MIPOL1: variants seen among roughly 807,000 people sequenced by gnomAD.
MIPOL1 encodes the protein mirror-image polydactyly 1.
Under a neutral mutation model 60.9 loss-of-function variants are expected in MIPOL1, and 57 were observed. The ratio of observed to expected loss-of-function variants is 0.94; its 90% CI spans 0.76 to 1.17. The LOEUF is 1.17. Ranked by LOEUF, MIPOL1 falls within the 50% of genes most tolerant of loss-of-function variation. MIPOL1 has a pLI of 0.00. For synonymous variants in MIPOL1, 179 were observed against 168.8 expected, an observed-to-expected ratio of 1.06 and a Z score of -0.47; for missense variants, 551 against 511.6, an observed-to-expected ratio of 1.08 and a Z score of -0.74.
At chr14:37,256,595 T>C (rs530348352) in intron 3 of MIPOL1, among the ~76,000 whole-genome samples, 10 of 151,988 alleles carry the variant, frequency 6.6e-5, no homozygotes, top group Non-Finnish European at 1.5e-4. Context: ...AGCAAATCTG[T>C]TTCCTTTTGG....
At chr14:37,236,610 G>A (rs1030385501) in intron 1 of MIPOL1, among the ~76,000 whole-genome samples, 2 of 151,920 alleles carry the variant, frequency 1.3e-5, no homozygotes, top group African/African-American at 4.8e-5. Context: ...CTAATTTTTT[G>A]TATTTTTAGT....
intron 6 of MIPOL1, chr14:37,276,425 G>C (rs763943161): frequency 6.0e-5 from 9 of 150,908 alleles, no homozygotes; most frequent in Non-Finnish European, 1.0e-4. Context: ...AAAATGTAAA[G>C]GGTAAAAATA....
At chr14:37,263,627 T>TCA in intron 3 of MIPOL1, among the ~76,000 whole-genome samples, 1 of 152,290 alleles carries the variant, frequency 6.6e-6, no homozygotes, top group African/African-American at 2.4e-5. Context: ...GTTGTTTAAC[T>TCA]CTGAGAAAAG....
intron 9 of MIPOL1, among the ~76,000 whole-genome samples, chr14:37,342,461 G>A (rs150402173): frequency 6.6e-6 from 1 of 151,120 alleles, no homozygotes; most frequent in Non-Finnish European, 1.5e-5. Flanking sequence ...GCAGTGGTGC[G>A]ATCTCGGCTC....
intron 7 of MIPOL1, among the ~76,000 whole-genome samples, chr14:37,300,213 T>A (rs1236996955): frequency 1.3e-5 from 2 of 149,988 alleles, no homozygotes; most frequent in Non-Finnish European, 3.0e-5. Context: ...CTAAGTACAG[T>A]CCATACTAAA....
intron 9 of MIPOL1, among the ~76,000 whole-genome samples, chr14:37,341,383 G>A (rs992596888): frequency 8.5e-5 from 13 of 152,156 alleles, no homozygotes; most frequent in African/African-American, 2.9e-4. Flanking sequence ...TAGCAAGTAT[G>A]CTAGCCTTAG....
At chr14:37,507,120 G>A (rs1426510588) in intron 12 of MIPOL1, 2 of 152,082 alleles carry the variant, frequency 1.3e-5, no homozygotes, top group African/African-American at 4.8e-5. Context: ...AGCTGGAGAG[G>A]ATGTGGAGAA....
chr14:37,292,293 G>T (rs34201798), intron 7 of MIPOL1, among the ~76,000 whole-genome samples: 18,656 of 151,682 alleles, frequency 0.12, 1,233 homozygotes, highest in South Asian at 0.24. Flanking sequence ...CACGTTGGTT[G>T]ATGTTTTCTT....
chr14:37,394,084 A>ATATATATATATC (rs1491106712), intron 10 of MIPOL1, among the ~76,000 whole-genome samples: 1 of 134,670 alleles, frequency 7.4e-6, no homozygotes, highest in Non-Finnish European at 1.6e-5. Context: ...ATATATATAT[A>ATATATATATATC]TCTCCATGTT....
At chr14:37,347,376 TGAAGA>T (rs1704031609) in intron 9 of MIPOL1, among the ~76,000 whole-genome samples, 2 of 152,040 alleles carry the variant, frequency 1.3e-5, no homozygotes, top group Admixed American at 6.6e-5. Flanking sequence ...TGTGAATAAA[TGAAGA>T]GTAGATACGG....
At chr14:37,276,633 G>A (rs1451228856) in intron 6 of MIPOL1, 1 of 151,002 alleles carries the variant, frequency 6.6e-6, no homozygotes, top group Non-Finnish European at 1.5e-5. Context: ...AACAGAAAAT[G>A]GCATAACTTT....
chr14:37,271,800 T>C (rs1032747272), intron 6 of MIPOL1, among the ~76,000 whole-genome samples: 20 of 151,814 alleles, frequency 1.3e-4, no homozygotes, highest in African/African-American at 3.4e-4. Context: ...TTTGATGCAT[T>C]TGCATAATGT....
intron 7 of MIPOL1, among the ~76,000 whole-genome samples, chr14:37,302,912 T>G (rs954715466): frequency 6.6e-6 from 1 of 151,852 alleles, no homozygotes; most frequent in African/African-American, 2.4e-5. Flanking sequence ...GATAACCTTT[T>G]TACAAAATTT....
chr14:37,315,349 T>C (rs1479529047), intron 9 of MIPOL1, among the ~76,000 whole-genome samples: 1 of 152,182 alleles, frequency 6.6e-6, no homozygotes, highest in Non-Finnish European at 1.5e-5. Context: ...TTATAAGTGA[T>C]AAGGCAGAAG....
intron 12 of MIPOL1, chr14:37,523,367 C>T (rs144377318): frequency 9.2e-5 from 31 of 338,434 alleles, no homozygotes; most frequent in East Asian, 6.4e-4. Context: ...AATTAGTTAT[C>T]GTAAAGTGAA....
At chr14:37,328,502 G>T (rs1480978657) in intron 9 of MIPOL1, among the ~76,000 whole-genome samples, 1 of 151,706 alleles carries the variant, frequency 6.6e-6, no homozygotes, top group African/African-American at 2.4e-5. Context: ...TAATAAAAAT[G>T]AATTGCCAAA....
chr14:37,434,415 A>G (rs1024038181), intron 11 of MIPOL1: 2 of 151,764 alleles, frequency 1.3e-5, no homozygotes, highest in African/African-American at 2.4e-5. Flanking sequence ...AGTTCCTTGT[A>G]GGTTCTGGAT....
At chr14:37,481,263 C>A (rs1369645887) in intron 11 of MIPOL1, among the ~76,000 whole-genome samples, 8 of 151,980 alleles carry the variant, frequency 5.3e-5, no homozygotes, top group African/African-American at 1.9e-4. Flanking sequence ...GAGAACAATC[C>A]CATTTGCAAT....
At chr14:37,295,482 A>G (rs1197772235) in intron 7 of MIPOL1, among the ~76,000 whole-genome samples, 2 of 152,218 alleles carry the variant, frequency 1.3e-5, no homozygotes, top group Non-Finnish European at 2.9e-5. Flanking sequence ...AATGGGCTAA[A>G]TGCTCCAATT....
Sources: allele counts gnomAD v4.1 joint callset (sites outside exome capture counted in the v4.1 genomes callset), GRCh38; gene constraint gnomAD v4.1.1; transcripts MANE v1.5; gene names NCBI Gene and HGNC (gene_info 2026-07-23, HGNC 2026-07-21).